SARM1: variants seen among roughly 807,000 people sequenced by gnomAD.
The protein encoded by SARM1 is NAD(+) hydrolase SARM1.
SARM1 carries 60 observed loss-of-function variants against 65.1 expected under a neutral mutation model. The observed-to-expected ratio is 0.92, with a 90% CI of 0.75 to 1.14. SARM1 has a LOEUF of 1.14. Among genes scored for constraint, SARM1 ranks in the 50% most tolerant of loss-of-function variants. The probability of loss-of-function intolerance (pLI) is 0.00; values close to 1 mark genes in which losing one functional copy is unlikely to be tolerated. For missense variants in SARM1, 913 were observed against 1,015.7 expected, an observed-to-expected ratio of 0.90 and a Z score of 1.37; for synonymous variants, 417 against 465.4, an observed-to-expected ratio of 0.90 and a Z score of 1.34.
In SARM1 at chr17:28,372,488, G is replaced by T; in HGVS notation, c.456G>T (p.Leu152=). The change falls in exon 1 of 9, where the codon CTG becomes CTT. Residue 152 remains leucine (L), a synonymous_variant. Transcript: ENST00000585482. This position sits in a 1 kb window ranked among gnomAD's most constrained non-coding sequence, Gnocchi z 5.2. ...VQAARLLEQI[L]VAENRDRVAR... is the part of the protein sequence containing the mutation. ...CCGCGCGCCTGCTGGAGCAGATCCT[G>T]GTGGCTGAGAACCGGTGAGCGCGCC... 1 of 1,529,128 alleles carries T rather than the reference G, an allele frequency of 6.5e-7. No homozygotes were observed. Among genetic ancestry groups the T allele is most frequent in the South Asian group, 1.2e-5 (1 of 83,784 alleles). The allele number at this position is 1,529,128 out of a possible 1,614,324, so 94.7% of individuals were successfully genotyped here.
chr17:28,400,412 C>G lies in SARM1; in HGVS notation c.*4126C>G. On this transcript the variant is annotated 3_prime_UTR_variant, in exon 9 of 9. Transcript: ENST00000585482. Reference sequence around the variant, plus strand: ...AATGTTAGCCTGATCCTTCCTCCACCTAGCTCGCCATCTCGCCCTTGGAAA... The same window carrying G: ...AATGTTAGCCTGATCCTTCCTCCACGTAGCTCGCCATCTCGCCCTTGGAAA... 1 of 622,182 alleles carries G rather than the reference C, an allele frequency of 1.6e-6. No homozygotes were observed. Among genetic ancestry groups the G allele is most frequent in the Non-Finnish European group, 2.8e-6 (1 of 363,564 alleles). 38.5% of individuals were successfully genotyped at this position (622,182 alleles called of 1,614,324 possible). A position where few individuals can be genotyped will look rare whatever the true frequency, so the allele number is the denominator to read the frequency against.
Position 28,384,722 on chromosome 17 carries a change from T to A in SARM1, c.1303-117T>A. 8.2e-7 allele frequency: 1 copy of A among 1,214,894 alleles called. No homozygotes were observed. The highest frequency in any genetic ancestry group is 1.2e-6 in the Non-Finnish European group (1 of 852,472). 75.3% of individuals were successfully genotyped at this position (1,214,894 alleles called of 1,614,324 possible). A position where few individuals can be genotyped will look rare whatever the true frequency, so the allele number is the denominator to read the frequency against. ...AGCCACCGTTAGGGTCACTCGGCTC[T>A]GATCTAGGTCCCATCCGCCTCCTCC... On this transcript the variant is annotated intron_variant, in intron 3 of 8. Coordinates refer to ENST00000585482, the MANE Select transcript of SARM1 (RefSeq NM_015077.4). The surrounding 1 kb of genome is among the most constrained non-coding windows in gnomAD (Gnocchi z 4.4).
At position 28,399,669 on chromosome 17, in the gene SARM1, G is replaced by A. The variant is rs886052754; in HGVS notation, c.*3383G>A. On this transcript the variant is annotated 3_prime_UTR_variant, in exon 9 of 9. Coordinates refer to ENST00000585482, the MANE Select transcript of SARM1 (RefSeq NM_015077.4). ...GGTCCAGGCAGATCAGGGGCTCTGG[G>A]GAAACTGCTGGAACTCGAGGTGAGG... The A allele has an allele frequency of 1.2e-6, 2 of 1,613,870 alleles. No individual in the cohort carries two copies. The highest frequency in any genetic ancestry group is 2.2e-5 in the East Asian group (1 of 44,904).
chr17:28,386,224 G>A (rs1164633063), intron 5 of SARM1, among the ~76,000 whole-genome samples: 1 of 152,144 alleles, frequency 6.6e-6, no homozygotes, highest in African/African-American at 2.4e-5. Context: ...AGGATCACCT[G>A]AGCCCAGGAA....
chr17:28,381,934 G>T, intron 2 of SARM1, 113 bp downstream of exon 2: 1 of 1,274,692 alleles, frequency 7.8e-7, no homozygotes, highest in East Asian at 3.0e-5. Flanking sequence ...ATTAGATGAA[G>T]CAAGACAAAG....
In SARM1 at chr17:28,398,212, G is replaced by C. The variant is rs1158343155; in HGVS notation, c.*1926G>C. ...TCTCCAATCAGTCCCACTCCCTCCT[G>C]AGGTCCCCAAGGGCAGTATTCAGAG... On this transcript the variant is annotated 3_prime_UTR_variant, in exon 9 of 9. Transcript: ENST00000585482. 1 of 152,506 alleles carries C rather than the reference G, an allele frequency of 6.6e-6. No homozygotes were observed. The highest frequency in any genetic ancestry group is 1.9e-4 in the East Asian group (1 of 5,192). The allele number at this position is 152,506 out of a possible 1,614,324, so 9.4% of individuals were successfully genotyped here.
intron 1 of SARM1, among the ~76,000 whole-genome samples, chr17:28,376,357 A>G (rs9893650): frequency 0.12 from 17,620 of 148,284 alleles, 1,267 homozygotes; most frequent in East Asian, 0.23. Context: ...TCAGGAGTTC[A>G]AGACCGCCTG....
rs372099909 is a variant in SARM1 at position 28,384,938 on chromosome 17, G to A, written c.1394+8G>A. ...GGGCATCACCCGCAAGAGGTACGGAGCCTCCTGCCCGCCGGACCCCAGCTA... is the reference window on the plus strand; with the variant it reads ...GGGCATCACCCGCAAGAGGTACGGAACCTCCTGCCCGCCGGACCCCAGCTA... On this transcript the variant is annotated splice_region_variant and intron_variant, in intron 4 of 8. Coordinates refer to ENST00000585482, the MANE Select transcript of SARM1 (RefSeq NM_015077.4). This position sits in a 1 kb window ranked among gnomAD's most constrained non-coding sequence, Gnocchi z 4.4. 1.9e-6 allele frequency: 3 copies of A among 1,571,074 alleles called. No homozygotes were observed. Among genetic ancestry groups the A allele is most frequent in the East Asian group, 2.4e-5 (1 of 42,014 alleles).
intron 1 of SARM1, among the ~76,000 whole-genome samples, chr17:28,379,342 G>T (rs145923966): frequency 8.3e-6 from 1 of 120,890 alleles, no homozygotes; most frequent in African/African-American, 3.2e-5. Flanking sequence ...ACGGAGTCTC[G>T]CTCTGTTGCC....
Position 28,399,304 on chromosome 17 carries a change from C to T in SARM1, c.*3018C>T, listed in dbSNP as rs2068166701. ...GGCTGGAAGGAGAGATGCCAGCCCT[C>T]GTGCTGCCTCTGGTCCCTGAAGTGT... On this transcript the variant is annotated 3_prime_UTR_variant, in exon 9 of 9. Transcript: ENST00000585482. 1 of 251,662 alleles carries T rather than the reference C, an allele frequency of 4.0e-6. No individual in the cohort carries two copies. The highest frequency in any genetic ancestry group is 4.7e-5 in the Admixed American group (1 of 21,054). The allele number at this position is 251,662 out of a possible 1,614,324, so 15.6% of individuals were successfully genotyped here.
In SARM1 at chr17:28,398,831, G is replaced by A. The variant is rs1555588805; in HGVS notation, c.*2545G>A. The A allele has an allele frequency of 6.6e-6, 1 of 152,268 alleles. No individual in the cohort carries two copies. Among genetic ancestry groups the A allele is most frequent in the African/African-American group, 2.4e-5 (1 of 41,472 alleles). 9.4% of individuals were successfully genotyped at this position (152,268 alleles called of 1,614,324 possible). A position where few individuals can be genotyped will look rare whatever the true frequency, so the allele number is the denominator to read the frequency against. On this transcript the variant is annotated 3_prime_UTR_variant, in exon 9 of 9. Coordinates refer to ENST00000585482, the MANE Select transcript of SARM1 (RefSeq NM_015077.4). ...CCACGATTCAACAATTTGGGGCATT[G>A]CTGATCTAGCCGTTCCTAGTGGGGC...
At position 28,391,726 on chromosome 17, in the gene SARM1, A is replaced by AG. The variant is rs1555586912; in HGVS notation, c.1923+3187_1923+3188insG. 6.0e-3 allele frequency among the ~76,000 whole-genome samples: 842 copies of AG among 140,698 alleles called. 1 individual carries two copies. Among genetic ancestry groups the AG allele is most frequent in the Middle Eastern group, 0.01 (3 of 286 alleles). 92.3% of individuals were successfully genotyped at this position (140,698 alleles called of 152,430 possible). ...TTGCACCAAAAAAAAAAAAAAAAAA[A>AG]AAGAGAGAGAGAGAGAGGCTGAGGC... On this transcript the variant is annotated intron_variant, in intron 7 of 8. Coordinates refer to ENST00000585482, the MANE Select transcript of SARM1 (RefSeq NM_015077.4).
intron 1 of SARM1, among the ~76,000 whole-genome samples, chr17:28,377,210 T>A (rs1441927206): frequency 6.6e-6 from 1 of 152,208 alleles, no homozygotes; most frequent in Admixed American, 6.5e-5. Context: ...CAGATCTGGG[T>A]TCAAATCTCA....
At position 28,384,460 on chromosome 17, in the gene SARM1, G is replaced by C; in HGVS notation, c.1193G>C (p.Gly398Ala). 1 of 1,613,614 alleles carries C rather than the reference G, an allele frequency of 6.2e-7. No homozygotes were observed. The highest frequency in any genetic ancestry group is 2.2e-5 in the East Asian group (1 of 44,876). ...GCCAAGCGCGCGCTGCGCCTGCTGG[G>C]CGAGGAGGTGCCACGGCCCATCCTG... ...ALAKRALRLL[G>A]EEVPRPILPS... The change falls in exon 3 of 9, where the codon GGC (glycine) becomes GCC (alanine). Residue 398 changes from glycine to alanine, a missense_variant. By Grantham distance (60) the Gly-to-Ala change is moderately conservative. Transcript: ENST00000585482. This position sits in a 1 kb window ranked among gnomAD's most constrained non-coding sequence, Gnocchi z 4.4.
chr17:28,396,057 T>C (rs781790508), intron 8 of SARM1, 31 bp downstream of exon 8: 25 of 1,612,934 alleles, frequency 1.5e-5, no homozygotes, highest in Non-Finnish European at 2.1e-5. Context: ...ACCAGGGGGG[T>C]AGGGTACAAA....
Position 28,372,022 on chromosome 17 carries a change from GC to G in SARM1, c.-7del. The stretch of plus-strand genomic sequence containing the variant: ...CTCCAGGCCGGGGATGTCCCCCGCG[GC>G]CCCGCGCCCATGGTCCTGACGCTGC... On this transcript the variant is annotated 5_prime_UTR_variant, in exon 1 of 9. Transcript: ENST00000585482. The surrounding 1 kb of genome is among the most constrained non-coding windows in gnomAD (Gnocchi z 5.2). 6.7e-7 allele frequency: 1 copy of G among 1,481,688 alleles called. No individual in the cohort carries two copies. Among genetic ancestry groups the G allele is most frequent in the South Asian group, 1.3e-5 (1 of 79,362 alleles). 91.8% of individuals were successfully genotyped at this position (1,481,688 alleles called of 1,614,324 possible). A position where few individuals can be genotyped will look rare whatever the true frequency, so the allele number is the denominator to read the frequency against.
chr17:28,372,568 C>T lies in SARM1; in HGVS notation c.470+66C>T. On this transcript the variant is annotated intron_variant, in intron 1 of 8. Transcript: ENST00000585482. The surrounding 1 kb of genome is among the most constrained non-coding windows in gnomAD (Gnocchi z 5.2). ...GTGGACAGTTAAGCGCCTGCGTTCC[C>T]GTGTGCCTTGCGCCGTGCCTTTGCC... The T allele has an allele frequency of 2.3e-6, 3 of 1,309,638 alleles. No homozygotes were observed. Among genetic ancestry groups the T allele is most frequent in the Non-Finnish European group, 3.1e-6 (3 of 975,786 alleles). The allele number at this position is 1,309,638 out of a possible 1,614,324, so 81.1% of individuals were successfully genotyped here.
intron 1 of SARM1, among the ~76,000 whole-genome samples, chr17:28,374,970 C>CAAAAAAAAAAAAAAAAAAAAAAAAA: frequency 1.4e-5 from 1 of 70,432 alleles, no homozygotes; most frequent in Non-Finnish European, 2.7e-5. Context: ...CAGACCTTGT[C>CAAAAAAAAAAAAAAAAAAAAAAAAA]AAAAAAAAAA....
chr17:28,385,359 C>A lies in SARM1; in HGVS notation c.1630+84C>A. The A allele has an allele frequency of 9.5e-7, 1 of 1,049,024 alleles. No individual in the cohort carries two copies. The highest frequency in any genetic ancestry group is 1.3e-6 in the Non-Finnish European group (1 of 743,290). The allele number at this position is 1,049,024 out of a possible 1,614,324, so 65.0% of individuals were successfully genotyped here. A position where few individuals can be genotyped will look rare whatever the true frequency, so the allele number is the denominator to read the frequency against. ...GGTGAGGGGAGACACGGGGTGGAGC[C>A]TTCCAGCCTCGCCGTGGATTGATTG... is the stretch of plus-strand genomic sequence containing the variant. On this transcript the variant is annotated intron_variant, in intron 5 of 8. Coordinates refer to ENST00000585482, the MANE Select transcript of SARM1 (RefSeq NM_015077.4). This position sits in a 1 kb window ranked among gnomAD's most constrained non-coding sequence, Gnocchi z 4.5.
Sources: gnomAD v4.1 joint callset for allele counts (sites outside exome capture counted in the v4.1 genomes callset) on GRCh38, gnomAD v4.1.1 for gene constraint, Gnocchi (gnomAD v3.1) non-coding constraint, MANE v1.5 for transcripts, NCBI Gene and HGNC (gene_info 2026-07-23, HGNC 2026-07-21) for gene names.